Variants in NPAS3 observed in about 807,000 individuals in gnomAD.
NPAS3 encodes neuronal PAS domain protein 3.
In NPAS3, 14 loss-of-function variants were observed where a neutral mutation model predicts 73.1. That is an observed-to-expected ratio of 0.19 (90% confidence interval 0.13 to 0.30). The LOEUF (loss-of-function observed/expected upper bound fraction) is 0.30, where lower values mean the gene tolerates loss of function less well. NPAS3 is among the 10% of genes least tolerant of loss of function. NPAS3 has a pLI of 1.00. For synonymous variants in NPAS3, 620 were observed against 541.5 expected (o/e 1.14, Z -2.01); for missense variants, 1,096 against 1,250.0 (o/e 0.88, Z 1.86).
intron 4 of NPAS3, among the ~76,000 whole-genome samples, chr14:33,411,330 C>G (rs963038456): frequency 5.9e-5 from 9 of 152,046 alleles, no homozygotes; most frequent in African/African-American, 1.4e-4. Flanking sequence ...TTACAGGCAT[C>G]TGCCACTATG....
In NPAS3 at chr14:33,189,771, G is replaced by C. The variant is rs371045678; in HGVS notation, c.141-25411G>C. On this transcript the variant is annotated intron_variant, in intron 2 of 11. Transcript: ENST00000356141. ...AGTTTATAGATCTAAATACTTGGAG[G>C]GGTATTATAAATCCATGTAATTCCC... is the stretch of plus-strand genomic sequence containing the variant. Among the ~76,000 whole-genome samples, 8 of 152,172 alleles carry C rather than the reference G, an allele frequency of 5.3e-5. No homozygotes were observed. In the East Asian group the frequency reaches 9.7e-4, roughly 18 times the overall value.
chr14:33,398,446 T>C (rs926453612), intron 4 of NPAS3, among the ~76,000 whole-genome samples: 4 of 151,616 alleles, frequency 2.6e-5, no homozygotes, highest in African/African-American at 9.7e-5. Flanking sequence ...CCCAGTGATA[T>C]ATTCTGAGCA....
chr14:33,714,385 T>A lies in NPAS3; in HGVS notation c.734-20829T>A, dbSNP rs115606344. 5.3e-3 allele frequency among the ~76,000 whole-genome samples: 802 copies of A among 152,220 alleles called. 6 individuals carry two copies. Among genetic ancestry groups the A allele is most frequent in the African/African-American group, 0.018 (734 of 41,530 alleles). On this transcript the variant is annotated intron_variant, in intron 6 of 11. Transcript: ENST00000356141. ...AACGGTGACTGGAACCAGTAGAACT[T>A]CATTAAATACTTGTTAACTGAATAA...
At chr14:33,013,576 T>C (rs1162525299) in intron 1 of NPAS3, among the ~76,000 whole-genome samples, 1 of 152,174 alleles carries the variant, frequency 6.6e-6, no homozygotes, top group Non-Finnish European at 1.5e-5. Context: ...TTGGTGATAA[T>C]CTTGTAAACT....
intron 3 of NPAS3, among the ~76,000 whole-genome samples, chr14:33,219,731 T>C (rs1485770769): frequency 6.6e-6 from 1 of 152,218 alleles, no homozygotes; most frequent in Non-Finnish European, 1.5e-5. Flanking sequence ...TTTAATGGAT[T>C]TATTTTAAAT....
intron 2 of NPAS3, among the ~76,000 whole-genome samples, chr14:33,148,138 A>G (rs2044314662): frequency 6.6e-6 from 1 of 152,242 alleles, no homozygotes; most frequent in African/African-American, 2.4e-5. Context: ...ATAGGGGGCA[A>G]TTAATCCTGA....
intron 3 of NPAS3, among the ~76,000 whole-genome samples, chr14:33,320,561 A>T (rs979563090): frequency 9.2e-5 from 14 of 152,248 alleles, no homozygotes; most frequent in Admixed American, 2.6e-4. Flanking sequence ...CGACATGCTC[A>T]TGTCTGAGGC....
intron 6 of NPAS3, among the ~76,000 whole-genome samples, chr14:33,682,601 C>A (rs762902959): frequency 6.6e-6 from 1 of 152,104 alleles, no homozygotes; most frequent in East Asian, 1.9e-4. Context: ...TTTTCATGAG[C>A]GAAGTAGGCT....
At chr14:33,767,788 A>AT (rs2140864227) in intron 7 of NPAS3, among the ~76,000 whole-genome samples, 1 of 152,204 alleles carries the variant, frequency 6.6e-6, no homozygotes, top group Admixed American at 6.5e-5. Context: ...TTCCAGATGT[A>AT]TTTTTCCGTC....
chr14:33,800,002 G>A lies in NPAS3; in HGVS notation c.1695G>A (p.Ser565=), dbSNP rs1470927972. 4 of 1,612,622 alleles carry A rather than the reference G, an allele frequency of 2.5e-6. No homozygotes were observed. The highest frequency in any genetic ancestry group is 2.5e-6 in the Non-Finnish European group (3 of 1,179,978). ...TGGAGCGCTACGTGGAGAGCGAGTC[G>A]GACCTGCGGCTGCAGAACTGCGAGT... The change falls in exon 12 of 12, where the codon TCG becomes TCA. Residue 565 remains serine (S), a synonymous_variant. Coordinates refer to ENST00000356141, the Ensembl canonical transcript of NPAS3. The surrounding 1 kb of genome is among the most constrained non-coding windows in gnomAD (Gnocchi z 6.5).
chr14:33,017,116 G>C (rs1384205723), intron 1 of NPAS3, among the ~76,000 whole-genome samples: 1 of 152,090 alleles, frequency 6.6e-6, no homozygotes, highest in Non-Finnish European at 1.5e-5. Context: ...ATTTTCAGCT[G>C]GGACTTTGGA....
intron 1 of NPAS3, among the ~76,000 whole-genome samples, chr14:33,052,810 T>C (rs2040756299): frequency 6.6e-6 from 1 of 152,192 alleles, no homozygotes; most frequent in African/African-American, 2.4e-5. Flanking sequence ...ATTTCTTTGC[T>C]TTTGTGATTT....
At chr14:33,277,404 C>A (rs891349394) in intron 3 of NPAS3, among the ~76,000 whole-genome samples, 1 of 152,104 alleles carries the variant, frequency 6.6e-6, no homozygotes, top group African/African-American at 2.4e-5. Context: ...CTGCTGTATG[C>A]TGGGTACTTG....
chr14:32,959,976 ATTT>A (rs61262665), intron 1 of NPAS3, among the ~76,000 whole-genome samples: 4,180 of 131,294 alleles, frequency 0.032, 199 homozygotes, highest in African/African-American at 0.11. Flanking sequence ...GTGAGTTTCA[ATTT>A]TTTTTTTTTT....
chr14:33,351,805 G>A (rs1013506667), intron 3 of NPAS3, among the ~76,000 whole-genome samples: 1 of 152,088 alleles, frequency 6.6e-6, no homozygotes. Context: ...TATAAAATCG[G>A]CAGTTTATGC....
chr14:33,098,050 C>A (rs998812349), intron 2 of NPAS3, among the ~76,000 whole-genome samples: 7 of 151,974 alleles, frequency 4.6e-5, no homozygotes, highest in Non-Finnish European at 7.4e-5. Context: ...AAATTTGTGT[C>A]CTATTTAAGA....
chr14:33,163,376 A>G (rs750961212), intron 2 of NPAS3, among the ~76,000 whole-genome samples: 1 of 152,234 alleles, frequency 6.6e-6, no homozygotes, highest in Non-Finnish European at 1.5e-5. Flanking sequence ...AGGTAATTGC[A>G]CTTTACTTTC....
intron 2 of NPAS3, among the ~76,000 whole-genome samples, chr14:33,089,251 G>A (rs4982046): frequency 0.66 from 100,619 of 151,970 alleles, 33,761 homozygotes; most frequent in Admixed American, 0.74. Flanking sequence ...AAAGCTTTGA[G>A]AAAAGATTAG....
intron 1 of NPAS3, among the ~76,000 whole-genome samples, 168 bp downstream of exon 1, chr14:32,939,534 G>T (rs377571561): frequency 1.3e-5 from 2 of 148,240 alleles, no homozygotes; most frequent in Non-Finnish European, 3.0e-5. Context: ...TTGTCCCCGC[G>T]GCGGCTGCGG....
Sources: allele counts gnomAD v4.1 joint callset (sites outside exome capture counted in the v4.1 genomes callset), GRCh38; gene constraint gnomAD v4.1.1; non-coding constraint Gnocchi (gnomAD v3.1); transcripts MANE v1.5; gene names NCBI Gene and HGNC (gene_info 2026-07-23, HGNC 2026-07-21).